The following MYOCOS variants were observed in gnomAD, a reference collection of about 807,000 sequenced individuals.
The protein encoded by MYOCOS is myocilin opposite strand.
At chr1:171,613,885 G>A (rs928515261) in intron 1 of MYOCOS, among the ~76,000 whole-genome samples, 1 of 152,068 alleles carries the variant, frequency 6.6e-6, no homozygotes, top group Non-Finnish European at 1.5e-5. Context: ...GGAAATGAAA[G>A]CCTCTTTATA....
At chr1:171,621,064 G>C (rs574161002), upstream of MYOCOS, among the ~76,000 whole-genome samples, 1 of 151,908 alleles carries the variant, frequency 6.6e-6, no homozygotes, top group South Asian at 2.1e-4. Flanking sequence ...CACCGTGCCC[G>C]GCCTACCAAT....
rs1297663758 is a variant in MYOCOS, at chr1:171,605,401, A to C, written c.-252+4321A>C. On this transcript the variant is annotated intron_variant, in intron 1 of 3. Coordinates refer to the MYOCOS transcript ENST00000636697. ...CACACACACACACACACACAAAAAA[A>C]AAAAAACAGTTACATGATAAAGTTC... 1.2e-3 allele frequency among the ~76,000 whole-genome samples: 188 copies of C among 150,970 alleles called. 1 individual carries two copies. The highest frequency in any genetic ancestry group is 4.4e-3 in the African/African-American group (182 of 40,900).
At chr1:171,616,898 T>C (rs1330445133) in intron 2 of MYOCOS, among the ~76,000 whole-genome samples, 1 of 152,170 alleles carries the variant, frequency 6.6e-6, no homozygotes, top group African/African-American at 2.4e-5. Context: ...GGAAGGTTCA[T>C]CATTTGGTTC....
In MYOCOS at chr1:171,626,677, T is replaced by A; in HGVS notation, c.*76T>A. On this transcript the variant is annotated 3_prime_UTR_variant, in exon 3 of 3. Transcript: ENST00000637642. Reference sequence around the variant, plus strand: ...GTTTCAGTGGCATTCTTGAGGTTTGTCTTAGAAGACTCTTGAAGATCTTTG... The same window carrying A: ...GTTTCAGTGGCATTCTTGAGGTTTGACTTAGAAGACTCTTGAAGATCTTTG... The A allele has an allele frequency of 2.5e-6, 1 of 398,322 alleles. No homozygotes were observed. The highest frequency in any genetic ancestry group is 4.4e-5 in the Admixed American group (1 of 22,724). 24.7% of individuals were successfully genotyped at this position (398,322 alleles called of 1,614,324 possible).
intron 1 of MYOCOS, among the ~76,000 whole-genome samples, chr1:171,605,297 T>G (rs1009961355): frequency 6.0e-5 from 9 of 150,114 alleles, no homozygotes; most frequent in African/African-American, 2.2e-4. Flanking sequence ...CAATATTACA[T>G]AGCTAGAAAA....
intron 2 of MYOCOS, 102 bp downstream of exon 2, chr1:171,624,080 A>C (rs1652631056): frequency 2.5e-6 from 1 of 397,884 alleles, no homozygotes; most frequent in Non-Finnish European, 4.4e-6. Flanking sequence ...GGTTTATTTA[A>C]ATGTATTTAA....
upstream of MYOCOS, among the ~76,000 whole-genome samples, chr1:171,619,391 G>A (rs115696737): frequency 7.5e-3 from 1,141 of 152,316 alleles, 12 homozygotes; most frequent in African/African-American, 0.026. Context: ...AGGATGGCTA[G>A]TGTGGGAAAT....
intron 1 of MYOCOS, among the ~76,000 whole-genome samples, chr1:171,609,869 G>A (rs1447401487): frequency 6.6e-6 from 1 of 152,172 alleles, no homozygotes; most frequent in Non-Finnish European, 1.5e-5. Context: ...AGATCCCTGT[G>A]GCTCAAGATC....
At chr1:171,615,181 C>G (rs192459766) in intron 2 of MYOCOS, among the ~76,000 whole-genome samples, 1 of 152,098 alleles carries the variant, frequency 6.6e-6, no homozygotes, top group Non-Finnish European at 1.5e-5. Flanking sequence ...GCTCTGGCTG[C>G]GTGTTGCAGA....
At chr1:171,624,828 C>T (rs546367451) in intron 2 of MYOCOS, among the ~76,000 whole-genome samples, 65 of 152,220 alleles carry the variant, frequency 4.3e-4, no homozygotes, top group Middle Eastern at 6.8e-3. Context: ...AAGTGGTCCA[C>T]CTGCCTCAGC....
intron 1 of MYOCOS, among the ~76,000 whole-genome samples, chr1:171,603,148 C>T (rs1457723935): frequency 6.6e-6 from 1 of 152,208 alleles, no homozygotes; most frequent in East Asian, 1.9e-4. Context: ...ATCCAGCTTC[C>T]GTCTCCCAAC....
exon 1 of MYOCOS, chr1:171,601,018 G>A (rs11587602): frequency 0.3 from 45,001 of 152,218 alleles, 7,387 homozygotes; most frequent in East Asian, 0.59. Flanking sequence ...GGCCTGCTGT[G>A]TGGAGCATCC....
At chr1:171,609,188 T>G (rs192084391) in intron 1 of MYOCOS, among the ~76,000 whole-genome samples, 1 of 152,352 alleles carries the variant, frequency 6.6e-6, no homozygotes, top group Admixed American at 6.5e-5. Flanking sequence ...TTGGTCACTT[T>G]GCCTTTCTAT....
chr1:171,606,764 T>C (rs534244180), intron 1 of MYOCOS, among the ~76,000 whole-genome samples: 1 of 152,324 alleles, frequency 6.6e-6, no homozygotes, highest in South Asian at 2.1e-4. Flanking sequence ...CCCAGCTGAA[T>C]AAAGCCCTTC....
chr1:171,602,424 ATT>A (rs903270390), intron 1 of MYOCOS, among the ~76,000 whole-genome samples: 5 of 152,204 alleles, frequency 3.3e-5, no homozygotes, highest in African/African-American at 1.2e-4. Context: ...TTAAAAAAAT[ATT>A]GTTTTAAAAG....
chr1:171,617,898 G>A (rs984478755), upstream of MYOCOS, among the ~76,000 whole-genome samples: 24 of 152,174 alleles, frequency 1.6e-4, no homozygotes, highest in Admixed American at 4.6e-4. Context: ...GTTGGCCCCT[G>A]AAAAGAGTGC....
At chr1:171,624,617 T>C (rs1652656503) in intron 2 of MYOCOS, among the ~76,000 whole-genome samples, 1 of 151,846 alleles carries the variant, frequency 6.6e-6, no homozygotes, top group Admixed American at 6.6e-5. Context: ...TTTGTGTGTG[T>C]GTGTGTTTTT....
At chr1:171,620,981 G>GA (rs747875758), upstream of MYOCOS, among the ~76,000 whole-genome samples, 8 of 151,930 alleles carry the variant, frequency 5.3e-5, no homozygotes, top group Admixed American at 1.3e-4. Flanking sequence ...TGTTGGCCAG[G>GA]ATGGTCTCGA....
intron 2 of MYOCOS, among the ~76,000 whole-genome samples, chr1:171,624,663 G>C (rs989670670): frequency 1.3e-5 from 2 of 152,010 alleles, no homozygotes; most frequent in Non-Finnish European, 2.9e-5. Context: ...TTCACAGGAT[G>C]GTCTAAATCT....
Sources: allele counts gnomAD v4.1 joint callset (sites outside exome capture counted in the v4.1 genomes callset), GRCh38; gene constraint gnomAD v4.1.1; transcripts MANE v1.5; gene names NCBI Gene and HGNC (gene_info 2026-07-23, HGNC 2026-07-21).